COP1: variants seen among roughly 807,000 people sequenced by gnomAD.
COP1 encodes E3 ubiquitin-protein ligase COP1.
In COP1, 24 loss-of-function variants were observed where a neutral mutation model predicts 101.3. That is an observed-to-expected ratio of 0.24 (90% CI 0.17 to 0.33). The LOEUF (loss-of-function observed/expected upper bound fraction) is 0.33. Ranked by LOEUF, COP1 falls within the 10% of genes least tolerant of loss-of-function variation. The pLI, the probability that COP1 is intolerant of heterozygous loss-of-function variation, is 1.00. For synonymous variants in COP1, 347 were observed against 341.9 expected, an observed-to-expected ratio of 1.01 and a Z score of -0.17; for missense variants, 663 against 906.2, an observed-to-expected ratio of 0.73 and a Z score of 3.45.
intron 6 of COP1, among the ~76,000 whole-genome samples, chr1:176,142,556 T>G (rs1690867942): frequency 6.6e-6 from 1 of 152,066 alleles, no homozygotes; most frequent in Non-Finnish European, 1.5e-5. Context: ...ACCACACATT[T>G]AACAACTTTA....
intron 16 of COP1, chr1:175,989,073 A>T: frequency 4.2e-6 from 1 of 238,358 alleles, no homozygotes. Flanking sequence ...CTAAAATCTA[A>T]TCTGAAGTTC....
At chr1:176,166,182 AGTGGC>A (rs1474909538) in intron 3 of COP1, among the ~76,000 whole-genome samples, 1 of 152,176 alleles carries the variant, frequency 6.6e-6, no homozygotes, top group African/African-American at 2.4e-5. Flanking sequence ...GATGGAGTGC[AGTGGC>A]GTGATCTTGG....
chr1:176,074,230 T>C (rs892466797), intron 11 of COP1, among the ~76,000 whole-genome samples: 5 of 152,152 alleles, frequency 3.3e-5, no homozygotes, highest in African/African-American at 1.2e-4. Flanking sequence ...CCTGGCCTCT[T>C]TATTCCTCTT....
intron 5 of COP1, among the ~76,000 whole-genome samples, chr1:176,156,616 A>T (rs1248671604): frequency 1.3e-5 from 2 of 152,310 alleles, no homozygotes; most frequent in East Asian, 3.9e-4. Context: ...TATACCATGG[A>T]AACATTAACT....
intron 5 of COP1, among the ~76,000 whole-genome samples, chr1:176,150,167 T>A (rs2149830900): frequency 6.6e-6 from 1 of 152,256 alleles, no homozygotes; most frequent in Non-Finnish European, 1.5e-5. Flanking sequence ...GTACTACAAA[T>A]AAGCATGACC....
chr1:176,080,668 G>T (rs1397219543), intron 11 of COP1, among the ~76,000 whole-genome samples: 3 of 152,174 alleles, frequency 2.0e-5, no homozygotes, highest in Non-Finnish European at 2.9e-5. Flanking sequence ...GCCCTGATGA[G>T]ACGGACAAAT....
chr1:176,066,982 A>C (rs1336886197), intron 11 of COP1, among the ~76,000 whole-genome samples: 1 of 152,132 alleles, frequency 6.6e-6, no homozygotes, highest in Non-Finnish European at 1.5e-5. Context: ...CATGCAACCC[A>C]CTCATATGAC....
intron 9 of COP1, among the ~76,000 whole-genome samples, chr1:176,102,480 A>C (rs1683583786): frequency 6.6e-6 from 1 of 152,206 alleles, no homozygotes; most frequent in South Asian, 2.1e-4. Context: ...TACAGCTAAG[A>C]CAGTGAAAGA....
At chr1:176,050,747 T>C (rs1038351349) in intron 11 of COP1, among the ~76,000 whole-genome samples, 1 of 152,220 alleles carries the variant, frequency 6.6e-6, no homozygotes, top group African/African-American at 2.4e-5. Flanking sequence ...GTGTCAAGCA[T>C]TGTTTTAACC....
chr1:176,094,353 A>T (rs1681934108), intron 9 of COP1, among the ~76,000 whole-genome samples: 1 of 151,708 alleles, frequency 6.6e-6, no homozygotes, highest in African/African-American at 2.4e-5. Context: ...ATCATATGCC[A>T]GTTTAATTAT....
At chr1:176,135,135 A>G (rs1008362883) in intron 7 of COP1, 49 bp from the exon 8 acceptor site, 64 of 1,257,390 alleles carry the variant, frequency 5.1e-5, no homozygotes, top group Non-Finnish European at 6.6e-5. Context: ...AATAGAAGAT[A>G]TATAAATCAA....
chr1:176,020,247 G>T (rs1232134750), intron 15 of COP1, among the ~76,000 whole-genome samples: 1 of 147,320 alleles, frequency 6.8e-6, no homozygotes, highest in East Asian at 2.1e-4. Flanking sequence ...GGAGGCAGAA[G>T]TTGCAGTGAG....
intron 1 of COP1, among the ~76,000 whole-genome samples, chr1:176,201,357 G>C (rs768409657): frequency 6.6e-6 from 1 of 151,980 alleles, no homozygotes; most frequent in Non-Finnish European, 1.5e-5. Context: ...TGAGGAAAAG[G>C]GTAGCAGGTT....
chr1:176,056,640 T>C (rs1328433901), intron 11 of COP1, among the ~76,000 whole-genome samples: 1 of 152,200 alleles, frequency 6.6e-6, no homozygotes, highest in Non-Finnish European at 1.5e-5. Flanking sequence ...TTGTGGTTTA[T>C]GTTATAATCT....
rs1187866375 is a variant in COP1 at position 176,070,694 on chromosome 1, C to T, written c.1277+10458G>A. The stretch of plus-strand genomic sequence containing the variant: ...ATAAAACAAAAAAACCTCTGTCATC[C>T]AGACTGGAGTGTAGTAGTGCCATCA... On this transcript the variant is annotated intron_variant, in intron 11 of 19. Transcript: ENST00000367669. Among the ~76,000 whole-genome samples the T allele has an allele frequency of 3.9e-5, 6 of 152,108 alleles. No homozygotes were observed. In the East Asian group the frequency reaches 1.2e-3, roughly 29 times the overall value.
intron 9 of COP1, among the ~76,000 whole-genome samples, chr1:176,087,639 G>A (rs915048202): frequency 5.3e-5 from 8 of 152,146 alleles, no homozygotes; most frequent in African/African-American, 1.2e-4. Flanking sequence ...AAACAGGAAC[G>A]CTTTTACACT....
intron 2 of COP1, among the ~76,000 whole-genome samples, chr1:176,182,136 G>A (rs553479066): frequency 3.9e-5 from 6 of 152,078 alleles, no homozygotes; most frequent in South Asian, 2.1e-4. Flanking sequence ...TTTAAAAAAT[G>A]CCACAATGGA....
chr1:176,160,106 G>C lies in COP1; in HGVS notation c.762+2763C>G, dbSNP rs150199811. Among the ~76,000 whole-genome samples, 29 of 152,088 alleles carry C rather than the reference G, an allele frequency of 1.9e-4. No homozygotes were observed. The East Asian group carries it at 5.4e-3, about 28-fold the overall frequency. ...TTCAGAAAATAATAGGAAAGAATCT[G>C]TAATCTAATAAGACAACTGTGTTTC... On this transcript the variant is annotated intron_variant, in intron 5 of 19. Coordinates refer to ENST00000367669, the MANE Select transcript of COP1 (RefSeq NM_022457.7).
intron 11 of COP1, among the ~76,000 whole-genome samples, chr1:176,079,790 G>A (rs1678761358): frequency 6.6e-6 from 1 of 152,122 alleles, no homozygotes; most frequent in Non-Finnish European, 1.5e-5. Flanking sequence ...TGCTGAATGT[G>A]GGTGATGGTT....
Sources: gnomAD v4.1 joint callset for allele counts (sites outside exome capture counted in the v4.1 genomes callset) on GRCh38, gnomAD v4.1.1 for gene constraint, MANE v1.5 for transcripts, NCBI Gene and HGNC (gene_info 2026-07-23, HGNC 2026-07-21) for gene names.